Variants in CYLD observed in about 807,000 individuals in gnomAD.
CYLD encodes ubiquitin carboxyl-terminal hydrolase CYLD.
Under a neutral mutation model 104.5 loss-of-function variants are expected in CYLD, and 26 were observed. That is an observed-to-expected ratio of 0.25 (90% CI 0.18 to 0.35). The LOEUF (loss-of-function observed/expected upper bound fraction) is 0.35, where lower values mean the gene tolerates loss of function less well. Among genes scored for constraint, CYLD ranks in the 10% least tolerant of loss-of-function variants. CYLD has a pLI of 1.00. For missense variants in CYLD, 703 were observed against 1,136.1 expected (o/e 0.62, Z 5.48); for synonymous variants, 385 against 399.9 (o/e 0.96, Z 0.45).
chr16:50,762,600 C>G (rs901778516), intron 5 of CYLD, among the ~76,000 whole-genome samples: 1 of 152,186 alleles, frequency 6.6e-6, no homozygotes, highest in Non-Finnish European at 1.5e-5. Context: ...GTAAGTTTAA[C>G]TATCAGCTTC....
chr16:50,781,660 C>T (rs1299307104), intron 10 of CYLD, among the ~76,000 whole-genome samples: 1 of 151,792 alleles, frequency 6.6e-6, no homozygotes, highest in African/African-American at 2.4e-5. Context: ...TTTTCTCTTC[C>T]TGTTGATGAC....
intron 5 of CYLD, 94 bp downstream of exon 5, chr16:50,754,518 G>A: frequency 1.2e-6 from 1 of 847,934 alleles, no homozygotes; most frequent in Non-Finnish European, 1.9e-6. Context: ...AACAGGTGGT[G>A]TTTGGTTACA....
intron 2 of CYLD, among the ~76,000 whole-genome samples, chr16:50,749,141 A>G (rs903732039): frequency 1.3e-5 from 2 of 152,190 alleles, no homozygotes; most frequent in Non-Finnish European, 2.9e-5. Context: ...GGTCTTGGCC[A>G]CAGTGAACTG....
At chr16:50,783,864 G>A (rs2151004998) in intron 11 of CYLD, 1 of 182,152 alleles carries the variant, frequency 5.5e-6, no homozygotes, top group Admixed American at 5.5e-5. Flanking sequence ...AGTGATTTTA[G>A]CATTTAAAGA....
intron 5 of CYLD, among the ~76,000 whole-genome samples, chr16:50,768,206 A>G (rs1968729903): frequency 6.6e-6 from 1 of 152,204 alleles, no homozygotes; most frequent in Non-Finnish European, 1.5e-5. Context: ...ATAACATAAT[A>G]CATAAATTAC....
intron 14 of CYLD, among the ~76,000 whole-genome samples, 189 bp downstream of exon 14, chr16:50,788,041 T>TA (rs1971026063): frequency 6.6e-6 from 1 of 152,214 alleles, no homozygotes; most frequent in Non-Finnish European, 1.5e-5. Context: ...ATAGTTTACT[T>TA]GAAGATCAAA....
chr16:50,764,062 A>T (rs1968234204), intron 5 of CYLD, among the ~76,000 whole-genome samples: 1 of 152,088 alleles, frequency 6.6e-6, no homozygotes, highest in South Asian at 2.1e-4. Flanking sequence ...ATGTAAACCC[A>T]ACCTCCTCAT....
At chr16:50,777,384 T>C (rs1447728845) in intron 7 of CYLD, among the ~76,000 whole-genome samples, 2 of 152,220 alleles carry the variant, frequency 1.3e-5, no homozygotes, top group African/African-American at 4.8e-5. Flanking sequence ...TTAACTATTT[T>C]TAAATGTAAT....
chr16:50,780,071 A>G (rs1382853575), intron 9 of CYLD, 27 bp downstream of exon 9: 16 of 1,613,036 alleles, frequency 9.9e-6, no homozygotes, highest in Non-Finnish European at 1.2e-5. Flanking sequence ...CAAAAATTTC[A>G]ATTTTTTTCT....
chr16:50,756,523 C>A (rs2150926001), intron 5 of CYLD, among the ~76,000 whole-genome samples: 1 of 152,296 alleles, frequency 6.6e-6, no homozygotes, highest in African/African-American at 2.4e-5. Flanking sequence ...CAAGTAGCAC[C>A]TAGTGTCTGC....
At chr16:50,768,010 G>T (rs1455821988) in intron 5 of CYLD, among the ~76,000 whole-genome samples, 2 of 152,144 alleles carry the variant, frequency 1.3e-5, no homozygotes, top group Non-Finnish European at 2.9e-5. Flanking sequence ...ATTAAAATTA[G>T]TTACATGAAT....
At chr16:50,750,654 G>A (rs1966544988) in intron 3 of CYLD, among the ~76,000 whole-genome samples, 1 of 152,092 alleles carries the variant, frequency 6.6e-6, no homozygotes, top group Non-Finnish European at 1.5e-5. Context: ...ACTATGGTAG[G>A]AACATACAAA....
At chr16:50,783,437 AAAAC>A (rs1286422713) in intron 11 of CYLD, among the ~76,000 whole-genome samples, 5 of 152,216 alleles carry the variant, frequency 3.3e-5, no homozygotes, top group African/African-American at 1.2e-4. Flanking sequence ...TACTTTGACA[AAAAC>A]AAACCTTGTA....
chr16:50,781,044 A>G (rs1421194730), intron 9 of CYLD, among the ~76,000 whole-genome samples: 2 of 152,186 alleles, frequency 1.3e-5, no homozygotes, highest in Non-Finnish European at 2.9e-5. Context: ...ATGCTGGATT[A>G]AGGAAGTCAC....
intron 11 of CYLD, 28 bp downstream of exon 11, chr16:50,782,494 TAGA>T (rs753204570): frequency 6.2e-7 from 1 of 1,611,702 alleles, no homozygotes; most frequent in Non-Finnish European, 8.5e-7. Context: ...GCAATAGGTA[TAGA>T]TAGTGCCATG....
Position 50,796,486 on chromosome 16 carries a change from C to T in CYLD, c.2849C>T (p.Pro950Leu). Residue 950 changes from proline to leucine, a missense_variant, in exon 19 of 19, where the codon CCA (proline) becomes CTA (leucine). Coordinates refer to ENST00000427738, the MANE Select transcript of CYLD (RefSeq NM_001378743.1). Reference sequence around the variant, plus strand: ...GCATATATGTGCATGTACCAGAGTCCAACAATGAGTTTGTACAAATAACTG... The same window carrying T: ...GCATATATGTGCATGTACCAGAGTCTAACAATGAGTTTGTACAAATAACTG... Reference protein sequence around the residue: ...CDAYMCMYQSPTMSLYK With the variant: ...CDAYMCMYQSLTMSLYK 1 of 1,613,546 alleles carries T rather than the reference C, an allele frequency of 6.2e-7. No homozygotes were observed. Among genetic ancestry groups the T allele is most frequent in the Non-Finnish European group, 8.5e-7 (1 of 1,179,996 alleles).
chr16:50,766,961 T>G (rs919987893), intron 5 of CYLD, among the ~76,000 whole-genome samples: 5 of 152,210 alleles, frequency 3.3e-5, no homozygotes, highest in African/African-American at 1.2e-4. Flanking sequence ...ATAAACTTAG[T>G]AAAGAAGCAG....
At position 50,792,578 on chromosome 16, in the gene CYLD, A is replaced by T; in HGVS notation, c.2242-19A>T. On this transcript the variant is annotated intron_variant, in intron 15 of 18. Transcript: ENST00000427738. ...TTTTTTTAACACTTTGATTCTAAAA[A>T]TATCTGTCTTTTTTATAGGCACCAT... is the stretch of plus-strand genomic sequence containing the variant. The T allele has an allele frequency of 2.6e-6, 4 of 1,547,772 alleles. No homozygotes were observed. Among genetic ancestry groups the T allele is most frequent in the Non-Finnish European group, 3.6e-6 (4 of 1,123,324 alleles).
intron 8 of CYLD, among the ~76,000 whole-genome samples, chr16:50,779,401 A>G (rs1393409500): frequency 6.6e-6 from 1 of 152,166 alleles, no homozygotes; most frequent in Non-Finnish European, 1.5e-5. Context: ...TTGGACAAAG[A>G]CTATCACGTA....
Sources: allele counts gnomAD v4.1 joint callset (sites outside exome capture counted in the v4.1 genomes callset), GRCh38; gene constraint gnomAD v4.1.1; transcripts MANE v1.5; gene names NCBI Gene and HGNC (gene_info 2026-07-23, HGNC 2026-07-21).